DOCK8: variants seen among roughly 807,000 people sequenced by gnomAD.
The protein encoded by DOCK8 is dedicator of cytokinesis protein 8.
In DOCK8, 141 loss-of-function variants were observed where a neutral mutation model predicts 245.6. The observed-to-expected ratio is 0.57, with a 90% CI of 0.50 to 0.66. The LOEUF (loss-of-function observed/expected upper bound fraction) is 0.66. DOCK8 is among the 30% of genes least tolerant of loss of function. The probability of loss-of-function intolerance (pLI) is 0.00; values close to 1 mark genes in which losing one functional copy is unlikely to be tolerated. For synonymous variants in DOCK8, 1,168 were observed against 970.2 expected (o/e 1.20, Z -3.79); for missense variants, 2,965 against 2,603.4 (o/e 1.14, Z -3.02).
intron 20 of DOCK8, among the ~76,000 whole-genome samples, chr9:378,881 T>C (rs961937818): frequency 1.1e-4 from 16 of 152,204 alleles, no homozygotes; most frequent in Non-Finnish European, 2.1e-4. Context: ...GATTCCAGCT[T>C]TCACAGACAG....
chr9:392,842 C>G (rs1370262443), intron 24 of DOCK8, among the ~76,000 whole-genome samples: 1 of 151,942 alleles, frequency 6.6e-6, no homozygotes, highest in East Asian at 1.9e-4. Flanking sequence ...TCACCCCATG[C>G]CCTTTATATC....
intron 19 of DOCK8, 25 bp from the exon 20 acceptor site, chr9:376,952 T>G: frequency 6.2e-7 from 1 of 1,603,982 alleles, no homozygotes; most frequent in Non-Finnish European, 8.5e-7. Flanking sequence ...TAAAACCCCA[T>G]GAGGCCTGCC....
chr9:249,061 C>A (rs600492), intron 1 of DOCK8, among the ~76,000 whole-genome samples: 6 of 151,908 alleles, frequency 3.9e-5, no homozygotes, highest in Non-Finnish European at 7.4e-5. Flanking sequence ...TCTCCTTCCG[C>A]TCTTGGTACC....
Position 371,576 on chromosome 9 carries a change from T to A in DOCK8, c.2007+10T>A. On this transcript the variant is annotated intron_variant, in intron 17 of 47. Transcript: ENST00000432829. Reference sequence around the variant, plus strand: ...TCTCCTGGGATATTCAGTGAGTTGTTTCCAGCCTGCTGACTCACACTGCAG... The same window carrying A: ...TCTCCTGGGATATTCAGTGAGTTGTATCCAGCCTGCTGACTCACACTGCAG... The A allele has an allele frequency of 6.2e-7, 1 of 1,614,178 alleles. No individual in the cohort carries two copies. The highest frequency in any genetic ancestry group is 8.5e-7 in the Non-Finnish European group (1 of 1,180,012).
chr9:351,706 C>A (rs538432069), intron 14 of DOCK8, among the ~76,000 whole-genome samples: 12 of 152,274 alleles, frequency 7.9e-5, no homozygotes, highest in African/African-American at 2.6e-4. Flanking sequence ...GTGTGAAGAA[C>A]AGGAAGTTTG....
At chr9:261,999 G>GAA (rs1224495984) in intron 1 of DOCK8, among the ~76,000 whole-genome samples, 5 of 98,572 alleles carry the variant, frequency 5.1e-5, no homozygotes, top group South Asian at 4.1e-4. Flanking sequence ...GAAAGAAGGA[G>GAA]AAAGAAAGAA....
At chr9:412,482 C>A (rs1300060565) in intron 28 of DOCK8, among the ~76,000 whole-genome samples, 1 of 151,084 alleles carries the variant, frequency 6.6e-6, no homozygotes, top group African/African-American at 2.4e-5. Context: ...TATCTCTATT[C>A]ATAGGTGGCA....
At chr9:391,490 T>C (rs2054190593) in intron 24 of DOCK8, among the ~76,000 whole-genome samples, 1 of 152,204 alleles carries the variant, frequency 6.6e-6, no homozygotes, top group South Asian at 2.1e-4. Flanking sequence ...CTAAAACTTC[T>C]ACCATTACTC....
intron 28 of DOCK8, among the ~76,000 whole-genome samples, chr9:412,561 C>G (rs1266660552): frequency 6.6e-6 from 1 of 152,098 alleles, no homozygotes; most frequent in Admixed American, 6.6e-5. Context: ...ATGAATTCAG[C>G]AGTGTTGCAT....
intron 44 of DOCK8, among the ~76,000 whole-genome samples, chr9:447,515 C>A (rs1406660467): frequency 1.3e-5 from 2 of 152,002 alleles, no homozygotes; most frequent in East Asian, 3.8e-4. Flanking sequence ...TGTTTTTCTC[C>A]CCGAGACTTT....
rs757730164 is a variant in DOCK8, at chr9:386,439, G to A, written c.2874+13G>A. 2 of 1,607,840 alleles carry A rather than the reference G, an allele frequency of 1.2e-6. No individual in the cohort carries two copies. Among genetic ancestry groups the A allele is most frequent in the Non-Finnish European group, 1.7e-6 (2 of 1,174,832 alleles). ...AGCCAGCAAAAAGGTACTGAAGAGA[G>A]CAATGTGAGGTTCATCCCAGGATAA... On this transcript the variant is annotated intron_variant, in intron 23 of 47. Transcript: ENST00000432829.
At chr9:259,486 G>C (rs747074186) in intron 1 of DOCK8, among the ~76,000 whole-genome samples, 1 of 152,018 alleles carries the variant, frequency 6.6e-6, no homozygotes. Flanking sequence ...ATGTTCTTTG[G>C]AGTCAGATAG....
At chr9:296,452 C>T (rs1473474985) in intron 4 of DOCK8, among the ~76,000 whole-genome samples, 1 of 152,128 alleles carries the variant, frequency 6.6e-6, no homozygotes, top group Non-Finnish European at 1.5e-5. Flanking sequence ...TTATGGGCAG[C>T]ATCATAAAAG....
chr9:244,816 A>G (rs1248692865), intron 1 of DOCK8, among the ~76,000 whole-genome samples: 2 of 151,930 alleles, frequency 1.3e-5, no homozygotes, highest in Admixed American at 6.5e-5. Flanking sequence ...TGAAGGCCCT[A>G]TTGGTGTTTT....
intron 1 of DOCK8, among the ~76,000 whole-genome samples, chr9:259,285 G>C (rs111237232): frequency 0.032 from 4,877 of 152,194 alleles, 244 homozygotes; most frequent in African/African-American, 0.11. Context: ...CTGGGTGACA[G>C]AGCAAGACCC....
chr9:324,224 T>TA (rs1465811806), intron 7 of DOCK8, among the ~76,000 whole-genome samples: 12 of 152,196 alleles, frequency 7.9e-5, no homozygotes, highest in Admixed American at 7.8e-4. Flanking sequence ...TTTGAGCAAA[T>TA]AACCCTTTTT....
At chr9:423,603 A>T (rs2056366390) in intron 33 of DOCK8, among the ~76,000 whole-genome samples, 1 of 152,218 alleles carries the variant, frequency 6.6e-6, no homozygotes, top group South Asian at 2.1e-4. Context: ...TTTATTTTAA[A>T]ACATTAAAGA....
chr9:401,091 C>T lies in DOCK8; in HGVS notation c.3234+1832C>T, dbSNP rs1227404871. The stretch of plus-strand genomic sequence containing the variant: ...ACCATCATCACCACCACCACCTCCA[C>T]CACCATCACCACCTCTCCCATCACC... On this transcript the variant is annotated intron_variant, in intron 26 of 47. Coordinates refer to ENST00000432829, the MANE Select transcript of DOCK8 (RefSeq NM_203447.4). Among the ~76,000 whole-genome samples the T allele has an allele frequency of 1.6e-4, 18 of 112,910 alleles. No individual in the cohort carries two copies. In the African/African-American group the frequency reaches 1.9e-3, roughly 12 times the overall value. 74.1% of individuals were successfully genotyped at this position (112,910 alleles called of 152,430 possible).
At chr9:356,193 G>A (rs76171709) in intron 14 of DOCK8, among the ~76,000 whole-genome samples, 5,031 of 152,254 alleles carry the variant, frequency 0.033, 126 homozygotes, top group Non-Finnish European at 0.052. Flanking sequence ...TTATCCAGTG[G>A]ACCTTTTGAC....
Sources: gnomAD v4.1 joint callset for allele counts (sites outside exome capture counted in the v4.1 genomes callset) on GRCh38, gnomAD v4.1.1 for gene constraint, MANE v1.5 for transcripts, NCBI Gene and HGNC (gene_info 2026-07-23, HGNC 2026-07-21) for gene names.